Variants in PDZD2 observed in about 807,000 individuals in gnomAD.
The protein encoded by PDZD2 is PDZ domain-containing protein 2.
Under a neutral mutation model 220.7 loss-of-function variants are expected in PDZD2, and 90 were observed. The observed-to-expected ratio is 0.41, with a 90% CI of 0.34 to 0.49. The LOEUF (loss-of-function observed/expected upper bound fraction) is 0.49, where lower values mean the gene tolerates loss of function less well. Ranked by LOEUF, PDZD2 falls within the 20% of genes least tolerant of loss-of-function variation. The pLI, the probability that PDZD2 is intolerant of heterozygous loss-of-function variation, is 0.28. For synonymous variants in PDZD2, 1,375 were observed against 1,450.5 expected (o/e 0.95, Z 1.18); for missense variants, 3,174 against 3,608.5 (o/e 0.88, Z 3.08).
intron 2 of PDZD2, among the ~76,000 whole-genome samples, chr5:31,953,323 A>G (rs1183829181): frequency 6.6e-6 from 1 of 152,180 alleles, no homozygotes; most frequent in Non-Finnish European, 1.5e-5. Context: ...CTTTGGGAAA[A>G]AAGTATAAAG....
chr5:31,875,759 C>T (rs551180032), intron 2 of PDZD2, among the ~76,000 whole-genome samples: 1 of 151,130 alleles, frequency 6.6e-6, no homozygotes, highest in South Asian at 2.1e-4. Flanking sequence ...CAGTGATTAA[C>T]ATGGTCTTGC....
intron 2 of PDZD2, chr5:31,822,976 C>A: frequency 8.7e-7 from 1 of 1,153,412 alleles, no homozygotes. Flanking sequence ...AACCCGGGGC[C>A]TCTTTTTTTT....
At chr5:31,962,511 A>AC (rs1304983635) in intron 2 of PDZD2, among the ~76,000 whole-genome samples, 5 of 152,044 alleles carry the variant, frequency 3.3e-5, no homozygotes, top group Admixed American at 1.3e-4. Context: ...AATAGCAAGA[A>AC]CCCCGTGGTT....
At chr5:31,678,307 G>A (rs1746522470) in intron 1 of PDZD2, among the ~76,000 whole-genome samples, 1 of 152,212 alleles carries the variant, frequency 6.6e-6, no homozygotes, top group Non-Finnish European at 1.5e-5. Flanking sequence ...CTCTGGGCTA[G>A]CACAGCCCTT....
intron 1 of PDZD2, among the ~76,000 whole-genome samples, chr5:31,797,208 G>T (rs28401577): frequency 6.7e-6 from 1 of 149,048 alleles, no homozygotes; most frequent in South Asian, 2.1e-4. Context: ...CTCCCAAAGT[G>T]CTGGGATTAC....
chr5:32,063,204 C>T (rs1739857404), intron 14 of PDZD2, among the ~76,000 whole-genome samples: 2 of 151,832 alleles, frequency 1.3e-5, no homozygotes, highest in Admixed American at 6.6e-5. Flanking sequence ...GCCACCATGC[C>T]CAGCTAATTT....
intron 1 of PDZD2, among the ~76,000 whole-genome samples, chr5:31,692,716 CATG>C (rs1449221916): frequency 6.6e-6 from 1 of 152,198 alleles, no homozygotes; most frequent in Non-Finnish European, 1.5e-5. Context: ...AGGGCTCAAG[CATG>C]ATGATATTTC....
chr5:31,772,536 T>C (rs1752398238), intron 1 of PDZD2, among the ~76,000 whole-genome samples: 1 of 152,192 alleles, frequency 6.6e-6, no homozygotes, highest in African/African-American at 2.4e-5. Context: ...CTTTGAGTGC[T>C]AGTTCTCCTT....
chr5:31,963,555 G>T (rs564702643), intron 2 of PDZD2, among the ~76,000 whole-genome samples: 2 of 152,268 alleles, frequency 1.3e-5, no homozygotes, highest in East Asian at 3.9e-4. Context: ...AATATTCAGG[G>T]GTCAGCTGAT....
At chr5:31,790,589 G>C (rs192898758) in intron 1 of PDZD2, among the ~76,000 whole-genome samples, 1 of 151,902 alleles carries the variant, frequency 6.6e-6, no homozygotes, top group Non-Finnish European at 1.5e-5. Flanking sequence ...TGTGGACCAG[G>C]GCTGGAGTTT....
At chr5:31,949,937 C>T (rs1368462021) in intron 2 of PDZD2, among the ~76,000 whole-genome samples, 1 of 151,850 alleles carries the variant, frequency 6.6e-6, no homozygotes, top group Non-Finnish European at 1.5e-5. Context: ...CCACCTTGGC[C>T]TCCCAAAGTG....
In PDZD2 at chr5:31,752,820, A is replaced by G. The variant is rs80223007; in HGVS notation, c.-360-46069A>G. On this transcript the variant is annotated intron_variant, in intron 1 of 24. Coordinates refer to ENST00000438447, the MANE Select transcript of PDZD2 (RefSeq NM_178140.4). Reference sequence around the variant, plus strand: ...TTAGATATGGTTTTCCTGATGTCTCAGCCAGATGTGGTTGCTTCCTCCTCT... The same window carrying G: ...TTAGATATGGTTTTCCTGATGTCTCGGCCAGATGTGGTTGCTTCCTCCTCT... 7.5e-3 allele frequency among the ~76,000 whole-genome samples: 1,136 copies of G among 152,204 alleles called. 18 individuals carry two copies. Among genetic ancestry groups the G allele is most frequent in the African/African-American group, 0.026 (1,076 of 41,466 alleles).
Position 32,079,258 on chromosome 5 carries a change from C to CAA in PDZD2, c.3682+1661_3682+1662dup, listed in dbSNP as rs35524007. 1.2e-3 allele frequency among the ~76,000 whole-genome samples: 95 copies of CAA among 78,854 alleles called. 1 individual carries two copies. The highest frequency in any genetic ancestry group is 3.3e-3 in the African/African-American group (56 of 16,948). 51.7% of individuals were successfully genotyped at this position (78,854 alleles called of 152,430 possible). A position where few individuals can be genotyped will look rare whatever the true frequency, so the allele number is the denominator to read the frequency against. On this transcript the variant is annotated intron_variant, in intron 19 of 24. Coordinates refer to ENST00000438447, the MANE Select transcript of PDZD2 (RefSeq NM_178140.4). ...TGGGGGACAGAGTGAGACTCTGTCT[C>CAA]AAAAAAAAAACAAAAAAAAAACAAA...
Position 32,087,517 on chromosome 5 carries a change from A to C in PDZD2, c.4069A>C (p.Asn1357His). 1 of 1,613,272 alleles carries C rather than the reference A, an allele frequency of 6.2e-7. No individual in the cohort carries two copies. The highest frequency in any genetic ancestry group is 8.5e-7 in the Non-Finnish European group (1 of 1,179,586). ...SQEQRQGAPG[N>H]HSKALEMTGI... ...GGAGCAGAGACAGGGAGCTCCAGGT[A>C]ACCACAGTAAGGCTCTGGAAATGAC... Residue 1357 changes from asparagine (N) to histidine (H), a missense_variant, in exon 20 of 25, where the codon AAC becomes CAC. Asn to His is a moderately conservative substitution (Grantham distance 68). Around this residue, in one of 4 missense-constraint regions of PDZD2, gnomAD observed 1,861 missense variants for 2,001.0 expected, o/e 0.93. Coordinates refer to ENST00000438447, the MANE Select transcript of PDZD2 (RefSeq NM_178140.4). This position sits in a 1 kb window ranked among gnomAD's most constrained non-coding sequence, Gnocchi z 4.0.
At chr5:32,011,542 T>A (rs1327730588) in intron 6 of PDZD2, among the ~76,000 whole-genome samples, 4 of 152,028 alleles carry the variant, frequency 2.6e-5, no homozygotes, top group Non-Finnish European at 4.4e-5. Flanking sequence ...CTTCTTTGCG[T>A]CCCAAATCTG....
At chr5:31,681,607 G>A (rs139827258) in intron 1 of PDZD2, among the ~76,000 whole-genome samples, 23 of 151,816 alleles carry the variant, frequency 1.5e-4, no homozygotes, top group South Asian at 6.2e-4. Flanking sequence ...TAATATGTGC[G>A]TATGTGTCTA....
At chr5:31,989,421 C>CTTTTTTTTTTTTTTTTT (rs869045113) in intron 3 of PDZD2, among the ~76,000 whole-genome samples, 32 of 119,904 alleles carry the variant, frequency 2.7e-4, no homozygotes, top group Non-Finnish European at 5.1e-4. Flanking sequence ...ATTTTCTTTT[C>CTTTTTTTTTTTTTTTTT]TTTTTTTTTT....
intron 2 of PDZD2, among the ~76,000 whole-genome samples, chr5:31,944,307 A>G (rs563072407): frequency 4.6e-5 from 7 of 152,274 alleles, no homozygotes; most frequent in Admixed American, 3.9e-4. Context: ...TTTACTGGGG[A>G]AAAAATAAGA....
chr5:31,973,742 C>G (rs551141945), intron 2 of PDZD2, among the ~76,000 whole-genome samples: 1 of 152,320 alleles, frequency 6.6e-6, no homozygotes, highest in Non-Finnish European at 1.5e-5. Context: ...TTATTTTCAG[C>G]TGGACTCAGT....
Sources: gnomAD v4.1 joint callset for allele counts (sites outside exome capture counted in the v4.1 genomes callset) on GRCh38, gnomAD v4.1.1 for gene constraint, gnomAD v4.1.1 regional missense constraint, Gnocchi (gnomAD v3.1) non-coding constraint, MANE v1.5 for transcripts, NCBI Gene and HGNC (gene_info 2026-07-23, HGNC 2026-07-21) for gene names.